Variants in LHFPL6 observed in about 807,000 individuals in gnomAD.
LHFPL6 encodes the protein LHFPL tetraspan subfamily member 6 protein.
In LHFPL6, 9 loss-of-function variants were observed where a neutral mutation model predicts 20.6. That is an observed-to-expected ratio of 0.44 (90% CI 0.26 to 0.76). LHFPL6 has a LOEUF of 0.76. Among genes scored for constraint, LHFPL6 ranks in the 30% least tolerant of loss-of-function variants. The pLI is 0.20. For missense variants in LHFPL6, 218 were observed against 253.5 expected (o/e 0.86, Z 0.95); for synonymous variants, 105 against 98.7 (o/e 1.06, Z -0.38).
chr13:39,355,397 T>C (rs984885672), intron 3 of LHFPL6, among the ~76,000 whole-genome samples: 1 of 152,088 alleles, frequency 6.6e-6, no homozygotes, highest in Non-Finnish European at 1.5e-5. Flanking sequence ...CCTCTAAACA[T>C]GGAAATGAAC....
At chr13:39,594,302 C>T (rs1159215783) in intron 2 of LHFPL6, among the ~76,000 whole-genome samples, 3 of 152,102 alleles carry the variant, frequency 2.0e-5, no homozygotes, top group African/African-American at 4.8e-5. Context: ...AAAAAGTGGG[C>T]GAAGGACATG....
intron 2 of LHFPL6, among the ~76,000 whole-genome samples, chr13:39,541,320 A>G (rs578065002): frequency 6.6e-6 from 1 of 152,196 alleles, no homozygotes; most frequent in African/African-American, 2.4e-5. Flanking sequence ...GCTCTTTATG[A>G]AAAAATTCAG....
intron 2 of LHFPL6, among the ~76,000 whole-genome samples, chr13:39,522,632 C>T (rs1226048659): frequency 6.6e-6 from 1 of 152,178 alleles, no homozygotes; most frequent in Non-Finnish European, 1.5e-5. Flanking sequence ...TCCTATTTCC[C>T]CAAACAAGAT....
At chr13:39,435,271 T>C (rs565702359) in intron 2 of LHFPL6, among the ~76,000 whole-genome samples, 3 of 152,268 alleles carry the variant, frequency 2.0e-5, no homozygotes, top group East Asian at 1.9e-4. Flanking sequence ...CAAAGTATTG[T>C]TGTCCAGACT....
At chr13:39,423,279 A>C (rs1025940118) in intron 2 of LHFPL6, among the ~76,000 whole-genome samples, 6 of 152,238 alleles carry the variant, frequency 3.9e-5, no homozygotes, top group African/African-American at 1.4e-4. Flanking sequence ...GGCTTTAGTT[A>C]AATCTTGCTT....
chr13:39,589,701 T>A (rs1010428730), intron 2 of LHFPL6, among the ~76,000 whole-genome samples: 19 of 152,204 alleles, frequency 1.2e-4, no homozygotes, highest in Admixed American at 1.2e-3. Context: ...ATTAATATTA[T>A]CATTAACCTT....
At chr13:39,589,074 C>A (rs1275005120) in intron 2 of LHFPL6, among the ~76,000 whole-genome samples, 4 of 152,100 alleles carry the variant, frequency 2.6e-5, no homozygotes, top group Admixed American at 6.5e-5. Context: ...TTCATGAATT[C>A]TAACAGCAAA....
chr13:39,378,002 A>C (rs377459859), intron 3 of LHFPL6, among the ~76,000 whole-genome samples: 5 of 152,224 alleles, frequency 3.3e-5, no homozygotes, highest in South Asian at 4.1e-4. Context: ...CCTCTTTCAC[A>C]AAGTGGCCTT....
intron 2 of LHFPL6, among the ~76,000 whole-genome samples, chr13:39,464,606 A>G (rs1226326105): frequency 6.6e-6 from 1 of 152,146 alleles, no homozygotes; most frequent in Non-Finnish European, 1.5e-5. Flanking sequence ...CATGAAGTCT[A>G]TTAACTAACA....
At chr13:39,598,768 A>T (rs1051554012) in intron 2 of LHFPL6, among the ~76,000 whole-genome samples, 3 of 152,120 alleles carry the variant, frequency 2.0e-5, no homozygotes, top group African/African-American at 7.2e-5. Context: ...CGTGTTAGCC[A>T]GGATGGTCTC....
chr13:39,538,304 T>G (rs921077390), intron 2 of LHFPL6, among the ~76,000 whole-genome samples: 1 of 151,428 alleles, frequency 6.6e-6, no homozygotes, highest in African/African-American at 2.4e-5. Flanking sequence ...TTTCTTATCT[T>G]TAAAATAATT....
At position 39,562,447 on chromosome 13, in the gene LHFPL6, C is replaced by CATATAT. The variant is rs1185334406; in HGVS notation, c.385+38384_385+38385insATATAT. ...ACATATATACATATATACATATATACACATATATACATATATACACATATA... is the reference window on the plus strand; with the variant it reads ...ACATATATACATATATACATATATACATATATACATATATACATATATACACATATA... On this transcript the variant is annotated intron_variant, in intron 2 of 3. Transcript: ENST00000379589. Among the ~76,000 whole-genome samples, 109 of 68,506 alleles carry CATATAT rather than the reference C, an allele frequency of 1.6e-3. 1 individual carries two copies. The highest frequency in any genetic ancestry group is 4.0e-3 in the African/African-American group (73 of 18,320). The allele number at this position is 68,506 out of a possible 152,430, so 44.9% of individuals were successfully genotyped here.
chr13:39,519,317 A>C (rs9532387), intron 2 of LHFPL6, among the ~76,000 whole-genome samples: 119,750 of 151,936 alleles, frequency 0.79, 47,349 homozygotes, highest in African/African-American at 0.84. Context: ...ATTTGCTTAC[A>C]GTAGAAATTC....
At chr13:39,574,282 AT>A (rs1159473326) in intron 2 of LHFPL6, among the ~76,000 whole-genome samples, 1 of 152,102 alleles carries the variant, frequency 6.6e-6, no homozygotes, top group Non-Finnish European at 1.5e-5. Context: ...GGAGAACAAG[AT>A]CATCCTGGCT....
At chr13:39,399,301 A>G (rs1870924888) in intron 2 of LHFPL6, among the ~76,000 whole-genome samples, 1 of 152,246 alleles carries the variant, frequency 6.6e-6, no homozygotes, top group South Asian at 2.1e-4. Flanking sequence ...GTGGTTTTAC[A>G]TATTCATTTC....
At chr13:39,586,568 CAG>C (rs1476041656) in intron 2 of LHFPL6, among the ~76,000 whole-genome samples, 3 of 152,120 alleles carry the variant, frequency 2.0e-5, no homozygotes, top group Non-Finnish European at 2.9e-5. Context: ...CTTATATAAA[CAG>C]AGATATAAAA....
chr13:39,388,571 C>G (rs1169591812), intron 2 of LHFPL6, among the ~76,000 whole-genome samples: 2 of 152,156 alleles, frequency 1.3e-5, no homozygotes, highest in African/African-American at 4.8e-5. Context: ...TTCTTTAGGA[C>G]TCAGTTTTCC....
At chr13:39,599,990 G>C (rs1420214774) in intron 2 of LHFPL6, among the ~76,000 whole-genome samples, 2 of 152,200 alleles carry the variant, frequency 1.3e-5, no homozygotes, top group East Asian at 3.9e-4. Context: ...AGGGTGGACT[G>C]TAAATCAGAC....
chr13:39,574,355 A>G lies in LHFPL6; in HGVS notation c.385+26477T>C, dbSNP rs1021039216. Among the ~76,000 whole-genome samples, 64 of 152,110 alleles carry G rather than the reference A, an allele frequency of 4.2e-4. 1 individual carries two copies. The highest frequency in any genetic ancestry group is 2.3e-3 in the Admixed American group (35 of 15,278). ...AAATTAGCCAGATGTGGTGGTGGGC[A>G]CCTGTAGTCCCAGCTACTCAGGAGG... On this transcript the variant is annotated intron_variant, in intron 2 of 3. Coordinates refer to ENST00000379589, the MANE Select transcript of LHFPL6 (RefSeq NM_005780.3).
Sources: allele counts gnomAD v4.1 joint callset (sites outside exome capture counted in the v4.1 genomes callset), GRCh38; gene constraint gnomAD v4.1.1; transcripts MANE v1.5; gene names NCBI Gene and HGNC (gene_info 2026-07-23, HGNC 2026-07-21).